Variants in ADCK1 observed in about 807,000 individuals in gnomAD.
ADCK1 encodes the protein aarF domain-containing protein kinase 1.
ADCK1 carries 41 observed loss-of-function variants against 52.3 expected under a neutral mutation model. That is an observed-to-expected ratio of 0.78 (90% confidence interval 0.61 to 1.02). The LOEUF is 1.02. ADCK1 is among the 50% of genes least tolerant of loss of function. The probability of loss-of-function intolerance (pLI) is 0.00; values close to 1 mark genes in which losing one functional copy is unlikely to be tolerated. For synonymous variants in ADCK1, 250 were observed against 274.6 expected (o/e 0.91, Z 0.89); for missense variants, 658 against 679.5 (o/e 0.97, Z 0.35).
At chr14:77,810,037 CAAAAAAA>C (rs558244331) in intron 1 of ADCK1, among the ~76,000 whole-genome samples, 2 of 107,862 alleles carry the variant, frequency 1.9e-5, no homozygotes, top group Non-Finnish European at 3.7e-5. Context: ...GACTCTGTCT[CAAAAAAA>C]AAAAAAAAAA....
intron 4 of ADCK1, among the ~76,000 whole-genome samples, chr14:77,861,895 A>C (rs555842506): frequency 1.3e-5 from 2 of 152,372 alleles, no homozygotes; most frequent in Non-Finnish European, 2.9e-5. Flanking sequence ...TGGATCAGCC[A>C]GAATTTCTGC....
At chr14:77,875,063 G>A (rs2082868449) in intron 4 of ADCK1, among the ~76,000 whole-genome samples, 1 of 152,190 alleles carries the variant, frequency 6.6e-6, no homozygotes, top group African/African-American at 2.4e-5. Context: ...TGTGCTGAGG[G>A]GGTCTGAGGC....
intron 7 of ADCK1, among the ~76,000 whole-genome samples, chr14:77,915,718 G>A (rs146111154): frequency 4.4e-4 from 67 of 152,316 alleles, no homozygotes; most frequent in South Asian, 1.2e-3. Context: ...AGGTGTATGA[G>A]ATGAGTTCCT....
At chr14:77,865,096 A>T (rs890996561) in intron 4 of ADCK1, among the ~76,000 whole-genome samples, 3 of 152,216 alleles carry the variant, frequency 2.0e-5, no homozygotes, top group Non-Finnish European at 2.9e-5. Context: ...AACCTGGGCA[A>T]TATAGGGAGA....
At position 77,822,536 on chromosome 14, in the gene ADCK1, C is replaced by T; in HGVS notation, c.219+18C>T. 1 of 1,593,394 alleles carries T rather than the reference C, an allele frequency of 6.3e-7. No homozygotes were observed. The highest frequency in any genetic ancestry group is 8.6e-7 in the Non-Finnish European group (1 of 1,161,192). ...GATCTAAGGTAAGTAACCCATGGGA[C>T]CCATCTGAGCCAGGCCAGGACTGGA... is the stretch of plus-strand genomic sequence containing the variant. On this transcript the variant is annotated intron_variant, in intron 3 of 10. Transcript: ENST00000238561.
intron 1 of ADCK1, among the ~76,000 whole-genome samples, chr14:77,808,703 G>A (rs901364420): frequency 3.9e-5 from 6 of 152,156 alleles, no homozygotes; most frequent in Middle Eastern, 3.2e-3. Flanking sequence ...AGCCTCCCGA[G>A]TAGCTGGGAT....
intron 6 of ADCK1, among the ~76,000 whole-genome samples, chr14:77,903,075 C>T (rs2083583505): frequency 6.6e-6 from 1 of 152,270 alleles, no homozygotes; most frequent in Admixed American, 6.5e-5. Flanking sequence ...CTGGGGCCAA[C>T]TGGCAAGTGC....
At chr14:77,899,401 C>A in intron 6 of ADCK1, 143 bp downstream of exon 6, 1 of 1,135,748 alleles carries the variant, frequency 8.8e-7, no homozygotes, top group Non-Finnish European at 1.2e-6. Flanking sequence ...AATGACATCA[C>A]TGGTGATGTG....
chr14:77,844,733 G>T (rs1279643643), intron 3 of ADCK1, among the ~76,000 whole-genome samples: 1 of 152,250 alleles, frequency 6.6e-6, no homozygotes, highest in Non-Finnish European at 1.5e-5. Context: ...TCTACTTGGA[G>T]TTGGGGCTAG....
chr14:77,887,415 C>A (rs2287648), intron 5 of ADCK1, among the ~76,000 whole-genome samples, 166 bp downstream of exon 5: 1 of 151,656 alleles, frequency 6.6e-6, no homozygotes, highest in African/African-American at 2.4e-5. Flanking sequence ...TGACAGCTCC[C>A]TGACCATGAA....
At chr14:77,901,039 G>C (rs1043227066) in intron 6 of ADCK1, among the ~76,000 whole-genome samples, 162 of 142,538 alleles carry the variant, frequency 1.1e-3, no homozygotes, top group African/African-American at 3.9e-3. Context: ...CACTAGAGTT[G>C]GTGTTCTTTT....
intron 3 of ADCK1, among the ~76,000 whole-genome samples, chr14:77,830,008 G>A (rs2081806828): frequency 1.3e-5 from 2 of 151,312 alleles, no homozygotes; most frequent in Admixed American, 1.3e-4. Flanking sequence ...AATAGGATTA[G>A]AGCTAGGTAA....
intron 5 of ADCK1, among the ~76,000 whole-genome samples, chr14:77,889,886 T>TAAAAAAAAAAAAA (rs10683624): frequency 8.1e-6 from 1 of 123,230 alleles, no homozygotes; most frequent in Admixed American, 8.7e-5. Flanking sequence ...TATATAGAGT[T>TAAAAAAAAAAAAA]AAAAAAAAAA....
At chr14:77,852,030 G>T (rs1315336140) in intron 3 of ADCK1, among the ~76,000 whole-genome samples, 2 of 151,026 alleles carry the variant, frequency 1.3e-5, no homozygotes, top group African/African-American at 2.4e-5. Flanking sequence ...ACAGAGTCTC[G>T]CTCTGTTGCC....
At chr14:77,838,504 C>T (rs1304494124) in intron 3 of ADCK1, among the ~76,000 whole-genome samples, 1 of 152,126 alleles carries the variant, frequency 6.6e-6, no homozygotes, top group Non-Finnish European at 1.5e-5. Context: ...TCAGGTGGTT[C>T]TCCCACTTCA....
At position 77,822,453 on chromosome 14, in the gene ADCK1, G is replaced by C; in HGVS notation, c.154G>C (p.Asp52His). The C allele has an allele frequency of 6.2e-7, 1 of 1,613,988 alleles. No homozygotes were observed. Among genetic ancestry groups the C allele is most frequent in the Non-Finnish European group, 8.5e-7 (1 of 1,179,914 alleles). The part of the protein sequence containing the change: ...AVATTAVISY[D>H]YLTSLKSVPY... ...TTCACAGACGGCTGTCATCAGTTAC[G>C]ACTACCTCACTTCCCTGAAGAGTGT... The change falls in exon 3 of 11, where the codon GAC (aspartate) becomes CAC (histidine). Residue 52 changes from aspartate to histidine, a missense_variant. Transcript: ENST00000238561.
In ADCK1 at chr14:77,904,540, G is replaced by C. The variant is rs997244043; in HGVS notation, c.742-3263G>C. Among the ~76,000 whole-genome samples, 3 of 152,368 alleles carry C rather than the reference G, an allele frequency of 2.0e-5. No homozygotes were observed. The South Asian group carries it at 6.2e-4, about 32-fold the overall frequency. On this transcript the variant is annotated intron_variant, in intron 6 of 10. Transcript: ENST00000238561. ...AGACAAGCCAGGCGCAGCCTGTTTC[G>C]TGGGCATGTTGACCAAAGCATAGAA...
intron 6 of ADCK1, among the ~76,000 whole-genome samples, chr14:77,903,343 C>A (rs1470126825): frequency 2.0e-5 from 3 of 152,256 alleles, no homozygotes; most frequent in Non-Finnish European, 4.4e-5. Flanking sequence ...CTCCCGATCA[C>A]AACATCTGTG....
intron 3 of ADCK1, among the ~76,000 whole-genome samples, chr14:77,842,864 T>TTTTTCTTTTTC (rs763716920): frequency 2.0e-5 from 3 of 146,872 alleles, no homozygotes; most frequent in Admixed American, 2.0e-4. Context: ...GTATTTTTTC[T>TTTTTCTTTTTC]TTTTCTTTTC....
Sources: gnomAD v4.1 joint callset for allele counts (sites outside exome capture counted in the v4.1 genomes callset) on GRCh38, gnomAD v4.1.1 for gene constraint, MANE v1.5 for transcripts, NCBI Gene and HGNC (gene_info 2026-07-23, HGNC 2026-07-21) for gene names.